The following FOXP1 variants were observed in gnomAD, a reference collection of about 807,000 sequenced individuals.
FOXP1 encodes the protein forkhead box P1.
FOXP1 carries 15 observed loss-of-function variants against 98.2 expected under a neutral mutation model. The ratio of observed to expected loss-of-function variants is 0.15; its 90% CI spans 0.10 to 0.24. The LOEUF is 0.24. Ranked by LOEUF, FOXP1 falls within the 10% of genes least tolerant of loss-of-function variation. FOXP1 has a pLI of 1.00. For synonymous variants in FOXP1, 371 were observed against 314.5 expected, an observed-to-expected ratio of 1.18 and a Z score of -1.90; for missense variants, 633 against 848.5, an observed-to-expected ratio of 0.75 and a Z score of 3.15.
intron 6 of FOXP1, among the ~76,000 whole-genome samples, chr3:71,132,442 AAT>A (rs1473695865): frequency 6.6e-6 from 1 of 152,118 alleles, no homozygotes; most frequent in African/African-American, 2.4e-5. Context: ...AATTAAAAAA[AAT>A]AAAGCCTCTT....
At chr3:70,979,846 A>G (rs527777916) in intron 14 of FOXP1, among the ~76,000 whole-genome samples, 1 of 152,360 alleles carries the variant, frequency 6.6e-6, no homozygotes, top group African/African-American at 2.4e-5. Flanking sequence ...GTTTCATAAA[A>G]AAGCAATGAA....
At chr3:71,519,046 G>A (rs1239456939) in intron 2 of FOXP1, among the ~76,000 whole-genome samples, 1 of 152,230 alleles carries the variant, frequency 6.6e-6, no homozygotes, top group Non-Finnish European at 1.5e-5. Flanking sequence ...GGGAATTTGA[G>A]ACCAGCCTGG....
chr3:71,398,874 T>C (rs2081748694), intron 3 of FOXP1, among the ~76,000 whole-genome samples: 1 of 152,186 alleles, frequency 6.6e-6, no homozygotes, highest in Admixed American at 6.5e-5. Context: ...TATAGGATAA[T>C]ACATTGATCA....
intron 3 of FOXP1, among the ~76,000 whole-genome samples, chr3:71,394,041 A>G (rs1365051859): frequency 1.3e-5 from 2 of 152,210 alleles, no homozygotes; most frequent in African/African-American, 4.8e-5. Flanking sequence ...GCAGAGCAAG[A>G]GTTTCTGAGA....
chr3:71,147,541 C>G (rs1024320334), intron 6 of FOXP1, among the ~76,000 whole-genome samples: 3 of 152,192 alleles, frequency 2.0e-5, no homozygotes, highest in Admixed American at 1.3e-4. Context: ...TTAATGCCCC[C>G]CATCATTCTG....
rs769845838 is a variant in FOXP1 at position 70,988,123 on chromosome 3, T to C, written c.1063-46A>G. The C allele has an allele frequency of 2.6e-6, 4 of 1,540,602 alleles. No individual in the cohort carries two copies. In the African/African-American group the frequency reaches 4.1e-5, roughly 16 times the overall value. ...TGTTATTTCTCTGAATAAAGATGCA[T>C]GGCTCTTAACACCAAAAATGATACA... On this transcript the variant is annotated intron_variant, in intron 13 of 20. Coordinates refer to ENST00000649528, the MANE Select transcript of FOXP1 (RefSeq NM_001349338.3).
intron 6 of FOXP1, among the ~76,000 whole-genome samples, chr3:71,196,744 C>T (rs748070511): frequency 5.9e-5 from 9 of 152,180 alleles, no homozygotes; most frequent in Non-Finnish European, 1.2e-4. Context: ...TTGCTAACAA[C>T]CTCACTGGTT....
chr3:71,026,637 G>C (rs772560405), intron 11 of FOXP1, among the ~76,000 whole-genome samples: 1 of 152,174 alleles, frequency 6.6e-6, no homozygotes, highest in Non-Finnish European at 1.5e-5. Flanking sequence ...TTTACCAATG[G>C]TAAGAACCTG....
At chr3:71,459,795 G>A (rs2087850810) in intron 3 of FOXP1, among the ~76,000 whole-genome samples, 1 of 152,122 alleles carries the variant, frequency 6.6e-6, no homozygotes, top group Admixed American at 6.5e-5. Flanking sequence ...ATTAATCAGT[G>A]TGTTAAGCTG....
intron 3 of FOXP1, among the ~76,000 whole-genome samples, chr3:71,448,243 C>G (rs1428486145): frequency 6.6e-6 from 1 of 152,122 alleles, no homozygotes; most frequent in Non-Finnish European, 1.5e-5. Context: ...TTCCTTTCCC[C>G]TTACACACAC....
intron 10 of FOXP1, 21 bp from the exon 11 acceptor site, chr3:71,041,553 A>G (rs773517233): frequency 6.3e-7 from 1 of 1,598,628 alleles, no homozygotes; most frequent in Non-Finnish European, 8.6e-7. Flanking sequence ...CAAATTGGAT[A>G]ATTAAATCAA....
intron 5 of FOXP1, among the ~76,000 whole-genome samples, chr3:71,281,039 C>CAAAAAAAAAAAAAAAAAA (rs55640213): frequency 4.8e-5 from 4 of 83,566 alleles, no homozygotes; most frequent in Non-Finnish European, 9.5e-5. Flanking sequence ...CCCTTCTCTA[C>CAAAAAAAAAAAAAAAAAA]AAAAAAAAAA....
chr3:71,524,741 G>A (rs928056030), intron 2 of FOXP1, among the ~76,000 whole-genome samples: 2 of 152,166 alleles, frequency 1.3e-5, no homozygotes, highest in African/African-American at 4.8e-5. Context: ...CAATGCAACA[G>A]CTTCTGGTCG....
intron 13 of FOXP1, among the ~76,000 whole-genome samples, chr3:71,000,483 C>CACTGCCTT (rs960081393): frequency 1.4e-4 from 22 of 152,178 alleles, no homozygotes; most frequent in African/African-American, 4.8e-4. Context: ...GTTTTGGGTG[C>CACTGCCTT]ACTGCCTTGC....
At chr3:71,105,755 C>T (rs1324456802) in intron 7 of FOXP1, among the ~76,000 whole-genome samples, 1 of 152,132 alleles carries the variant, frequency 6.6e-6, no homozygotes, top group Non-Finnish European at 1.5e-5. Flanking sequence ...CCCCACCACA[C>T]ACACAGACAC....
chr3:71,005,314 TAAAAAAAAAAAAA>T (rs60664354), intron 12 of FOXP1, among the ~76,000 whole-genome samples: 1 of 25,260 alleles, frequency 4.0e-5, no homozygotes, highest in African/African-American at 1.2e-4. Context: ...ATACCTGATT[TAAAAAAAAAAAAA>T]AAAAAAAAAA....
chr3:71,193,585 A>G (rs2063129330), intron 6 of FOXP1, among the ~76,000 whole-genome samples: 1 of 151,852 alleles, frequency 6.6e-6, no homozygotes. Context: ...AGTAGCTGGG[A>G]CTACAATCGT....
intron 5 of FOXP1, among the ~76,000 whole-genome samples, chr3:71,252,657 C>A (rs2068293430): frequency 6.6e-6 from 1 of 152,188 alleles, no homozygotes. Flanking sequence ...TTCTGACACC[C>A]TTACTTGACA....
chr3:70,990,687 A>G (rs1006526902), intron 13 of FOXP1, among the ~76,000 whole-genome samples: 1 of 152,242 alleles, frequency 6.6e-6, no homozygotes, highest in Non-Finnish European at 1.5e-5. Flanking sequence ...ACTCTCTAAA[A>G]GACTTTCCCA....
Sources: allele counts gnomAD v4.1 joint callset (sites outside exome capture counted in the v4.1 genomes callset), GRCh38; gene constraint gnomAD v4.1.1; transcripts MANE v1.5; gene names NCBI Gene and HGNC (gene_info 2026-07-23, HGNC 2026-07-21).